The following UGT1A8 variants were observed in gnomAD, a reference collection of about 807,000 sequenced individuals.
The protein encoded by UGT1A8 is UDP-glucuronosyltransferase 1A8.
A neutral mutation model predicts 45.3 loss-of-function variants in UGT1A8; 39 were observed. The observed-to-expected ratio is 0.86, with a 90% CI of 0.67 to 1.12. The LOEUF (loss-of-function observed/expected upper bound fraction) is 1.12. Among genes scored for constraint, UGT1A8 ranks in the 50% most tolerant of loss-of-function variants. The probability of loss-of-function intolerance (pLI) is 0.00; values close to 1 mark genes in which losing one functional copy is unlikely to be tolerated. For synonymous variants in UGT1A8, 275 were observed against 249.2 expected (o/e 1.10, Z -0.97); for missense variants, 719 against 664.9 (o/e 1.08, Z -0.90).
In UGT1A8 at chr2:233,767,159, T is replaced by G. The variant is rs1291449017; in HGVS notation, c.981T>G (p.Pro327=). 1.2e-6 allele frequency: 2 copies of G among 1,613,988 alleles called. No homozygotes were observed. Among genetic ancestry groups the G allele is most frequent in the East Asian group, 4.5e-5 (2 of 44,876 alleles). ...TTGCTGATGCTTTGGGCAAAATCCCTCAGACAGTAAGAAGATTCTATACCA... is the reference window on the plus strand; with the variant it reads ...TTGCTGATGCTTTGGGCAAAATCCCGCAGACAGTAAGAAGATTCTATACCA... ...MAIADALGKI[P]QTVLWRYTGT... Residue 327 remains proline (P), a synonymous_variant, in exon 2 of 5, where the codon CCT becomes CCG. Coordinates refer to ENST00000373450, the MANE Select transcript of UGT1A8 (RefSeq NM_019076.5).
intron 1 of UGT1A8, chr2:233,747,790 A>G (rs1394158635): frequency 2.0e-5 from 32 of 1,613,372 alleles, no homozygotes; most frequent in Non-Finnish European, 2.6e-5. Flanking sequence ...CCTTCCTCCT[A>G]TATTCCTAAG....
At chr2:233,756,672 A>T (rs1246322346) in intron 1 of UGT1A8, among the ~76,000 whole-genome samples, 1 of 152,212 alleles carries the variant, frequency 6.6e-6, no homozygotes, top group Non-Finnish European at 1.5e-5. Context: ...TATTTCCGCT[A>T]GAACTGCTAT....
chr2:233,682,657 G>A (rs778347346), intron 1 of UGT1A8: 42 of 1,613,702 alleles, frequency 2.6e-5, no homozygotes, highest in African/African-American at 5.3e-5. Context: ...CCCCTGTCAC[G>A]GCATATGATC....
At chr2:233,693,704 T>A in intron 1 of UGT1A8, 1 of 1,614,252 alleles carries the variant, frequency 6.2e-7, no homozygotes, top group Non-Finnish European at 8.5e-7. Context: ...AGAACTCGCA[T>A]CAGCTGTCCT....
intron 1 of UGT1A8, chr2:233,693,167 G>A (rs1339801155): frequency 2.5e-6 from 4 of 1,614,062 alleles, no homozygotes; most frequent in Non-Finnish European, 3.4e-6. Flanking sequence ...CCGGGGTCAT[G>A]AGATTGTAGT....
intron 1 of UGT1A8, among the ~76,000 whole-genome samples, chr2:233,621,737 T>G (rs1182918462): frequency 6.6e-6 from 1 of 152,202 alleles, no homozygotes; most frequent in Non-Finnish European, 1.5e-5. Flanking sequence ...TGTCAATCTT[T>G]TTTTAAATTA....
intron 1 of UGT1A8, among the ~76,000 whole-genome samples, chr2:233,665,803 C>G (rs1010516018): frequency 1.3e-5 from 2 of 152,140 alleles, no homozygotes; most frequent in Non-Finnish European, 1.5e-5. Context: ...AAATACCCAA[C>G]AGTGGAGTAG....
chr2:233,767,797 T>G lies in UGT1A8; in HGVS notation c.988-52T>G, dbSNP rs1012424785. The stretch of plus-strand genomic sequence containing the variant: ...TCTAGTTAGTATAGCAGATTTGTTT[T>G]CTAATCATATTATGTTCTTTCTTTA... On this transcript the variant is annotated intron_variant, in intron 2 of 4. Coordinates refer to ENST00000373450, the MANE Select transcript of UGT1A8 (RefSeq NM_019076.5). 5 of 1,614,032 alleles carry G rather than the reference T, an allele frequency of 3.1e-6. No individual in the cohort carries two copies. In the African/African-American group the frequency reaches 4.0e-5, roughly 13 times the overall value.
intron 1 of UGT1A8, chr2:233,708,380 G>C (rs2076016043): frequency 6.6e-6 from 1 of 152,024 alleles, no homozygotes; most frequent in African/African-American, 2.4e-5. Flanking sequence ...AACGTCTTTT[G>C]TGTGTGTGTG....
intron 1 of UGT1A8, among the ~76,000 whole-genome samples, chr2:233,712,765 T>A (rs566033271): frequency 3.0e-4 from 45 of 152,200 alleles, no homozygotes; most frequent in Admixed American, 1.7e-3. Flanking sequence ...GAGCGCAAGG[T>A]CAGATGAGTT....
chr2:233,665,651 C>T (rs1575410981), intron 1 of UGT1A8, among the ~76,000 whole-genome samples: 1 of 152,200 alleles, frequency 6.6e-6, no homozygotes, highest in African/African-American at 2.4e-5. Flanking sequence ...AGGGCAGGCC[C>T]TTTGCTATCT....
chr2:233,695,457 T>C (rs1007830412), intron 1 of UGT1A8, among the ~76,000 whole-genome samples: 32 of 151,984 alleles, frequency 2.1e-4, no homozygotes, highest in Middle Eastern at 3.4e-3. Flanking sequence ...ATCAACGTGC[T>C]TTATTGGCCC....
At chr2:233,766,576 G>A (rs983735374) in intron 1 of UGT1A8, among the ~76,000 whole-genome samples, 1 of 152,162 alleles carries the variant, frequency 6.6e-6, no homozygotes, top group Non-Finnish European at 1.5e-5. Flanking sequence ...GCACAGGTCT[G>A]GGGGTGGAGC....
chr2:233,661,654 T>TCTTTCTTC (rs1220759709), intron 1 of UGT1A8, among the ~76,000 whole-genome samples: 2 of 149,856 alleles, frequency 1.3e-5, no homozygotes, highest in Non-Finnish European at 3.0e-5. Flanking sequence ...TTTCTTTCTT[T>TCTTTCTTC]CTTTCTTTCT....
rs2075159384 is a variant in UGT1A8, at chr2:233,693,500, C to T, written c.856-73534C>T. On this transcript the variant is annotated intron_variant, in intron 1 of 4. Transcript: ENST00000373450. ...GATCCTGGCTGAGTATTTGGGCCTA[C>T]CATCTGTGTACCTCTTCAGGGGTTT... 1.2e-6 allele frequency: 2 copies of T among 1,614,174 alleles called. No homozygotes were observed. Among genetic ancestry groups the T allele is most frequent in the Non-Finnish European group, 1.7e-6 (2 of 1,180,030 alleles).
At chr2:233,738,500 C>T (rs1380943528) in intron 1 of UGT1A8, among the ~76,000 whole-genome samples, 1 of 152,068 alleles carries the variant, frequency 6.6e-6, no homozygotes, top group Admixed American at 6.5e-5. Context: ...CGGTTTTGAC[C>T]AAAATGCTGA....
chr2:233,651,020 A>T (rs2073726470), intron 1 of UGT1A8, among the ~76,000 whole-genome samples: 1 of 152,220 alleles, frequency 6.6e-6, no homozygotes, highest in South Asian at 2.1e-4. Context: ...ATTGACTTTT[A>T]GCCAACTCAT....
chr2:233,692,757 G>A, intron 1 of UGT1A8: 1 of 1,177,646 alleles, frequency 8.5e-7, no homozygotes, highest in Non-Finnish European at 1.1e-6. Context: ...GACTTGTGGA[G>A]CTGAAGAGAA....
Position 233,772,812 on chromosome 2 carries a change from C to T in UGT1A8, c.*253C>T, listed in dbSNP as rs61757316. ...ATGACATGTGCCATTTTTCAGAGGA[C>T]GTGCAGACAGGCTGGCATTCTAGAT... On this transcript the variant is annotated 3_prime_UTR_variant, in exon 5 of 5. Coordinates refer to ENST00000373450, the MANE Select transcript of UGT1A8 (RefSeq NM_019076.5). The T allele has an allele frequency of 4.4e-5, 46 of 1,035,780 alleles. No individual in the cohort carries two copies. The highest frequency in any genetic ancestry group is 6.9e-4 in the Middle Eastern group (2 of 2,918). 64.2% of individuals were successfully genotyped at this position (1,035,780 alleles called of 1,614,324 possible).
Sources: allele counts gnomAD v4.1 joint callset (sites outside exome capture counted in the v4.1 genomes callset), GRCh38; gene constraint gnomAD v4.1.1; transcripts MANE v1.5; gene names NCBI Gene and HGNC (gene_info 2026-07-23, HGNC 2026-07-21).